Variants in ST3GAL5 observed in about 807,000 individuals in gnomAD.
ST3GAL5 encodes the protein lactosylceramide alpha-2,3-sialyltransferase.
ST3GAL5 carries 25 observed loss-of-function variants against 46.1 expected under a neutral mutation model. The ratio of observed to expected loss-of-function variants is 0.54; its 90% CI spans 0.40 to 0.76. The LOEUF is 0.76. Ranked by LOEUF, ST3GAL5 falls within the 30% of genes least tolerant of loss-of-function variation. The pLI is 0.00. For missense variants in ST3GAL5, 431 were observed against 521.2 expected, an observed-to-expected ratio of 0.83 and a Z score of 1.69; for synonymous variants, 182 against 192.7, an observed-to-expected ratio of 0.94 and a Z score of 0.46.
chr2:85,878,222 A>T (rs1305759148), intron 1 of ST3GAL5, among the ~76,000 whole-genome samples: 1 of 152,244 alleles, frequency 6.6e-6, no homozygotes. Context: ...GAAATATTTT[A>T]AAAACCCTGT....
intron 3 of ST3GAL5, chr2:85,853,120 A>G (rs1011683913): frequency 7.7e-7 from 1 of 1,295,904 alleles, no homozygotes; most frequent in African/African-American, 1.5e-5. Flanking sequence ...AGAGAGGGCC[A>G]AGTTCAAAAT....
chr2:85,884,882 G>A (rs1687577365), intron 1 of ST3GAL5, among the ~76,000 whole-genome samples: 1 of 152,194 alleles, frequency 6.6e-6, no homozygotes, highest in South Asian at 2.1e-4. Context: ...TCAAAAGACA[G>A]AAGTACTATT....
intron 1 of ST3GAL5, among the ~76,000 whole-genome samples, chr2:85,870,519 C>T (rs11681915): frequency 0.044 from 6,756 of 152,242 alleles, 211 homozygotes; most frequent in East Asian, 0.11. Flanking sequence ...ACAGCCTCCG[C>T]ATCATGGCTT....
intron 6 of ST3GAL5, 52 bp from the exon 7 acceptor site, chr2:85,840,444 C>A: frequency 6.2e-7 from 1 of 1,600,570 alleles, no homozygotes; most frequent in South Asian, 1.1e-5. Flanking sequence ...TGGCACAAGT[C>A]ACCATTTTGC....
At chr2:85,873,532 G>A (rs1015471472) in intron 1 of ST3GAL5, among the ~76,000 whole-genome samples, 1 of 152,060 alleles carries the variant, frequency 6.6e-6, no homozygotes, top group Non-Finnish European at 1.5e-5. Context: ...GGCTCAGCAC[G>A]GACAGGACCT....
intron 3 of ST3GAL5, chr2:85,848,468 C>A (rs1298837012): frequency 2.3e-6 from 3 of 1,322,752 alleles, no homozygotes; most frequent in Non-Finnish European, 3.1e-6. Flanking sequence ...CCGCCTCCCA[C>A]CCCCAGCCTA....
chr2:85,842,333 T>A (rs770981791), intron 6 of ST3GAL5, among the ~76,000 whole-genome samples: 4 of 152,222 alleles, frequency 2.6e-5, no homozygotes, highest in Non-Finnish European at 5.9e-5. Flanking sequence ...ACAGGGAATA[T>A]TCAATGTTTG....
rs748780212 is a variant in ST3GAL5 at position 85,846,563 on chromosome 2, C to G, written c.663G>C (p.Arg221Ser). Residue 221 changes from arginine (R) to serine (S), a missense_variant and splice_region_variant, in exon 5 of 7, where the codon AGG (arginine) becomes AGC (serine). Physicochemically the swap from Arg to Ser is moderately radical, Grantham distance 110. Transcript: ENST00000638572. ...ATCCCTCAACTGGTGCACTGTTTAA[C>G]CTATTTAAATAAAAAGGACAAAGAC... ...HTLNQFDVVIRLNSAPVEGYS... is the reference protein window; with the variant it reads ...HTLNQFDVVISLNSAPVEGYS... 1 of 1,613,942 alleles carries G rather than the reference C, an allele frequency of 6.2e-7. No homozygotes were observed. The highest frequency in any genetic ancestry group is 1.3e-5 in the African/African-American group (1 of 74,910).
At chr2:85,888,233 C>T (rs901460567) in intron 1 of ST3GAL5, 1 of 152,244 alleles carries the variant, frequency 6.6e-6, no homozygotes, top group Non-Finnish European at 1.5e-5. Flanking sequence ...CTTACACACG[C>T]AAGGCGTACA....
chr2:85,862,068 T>G (rs578064427), intron 2 of ST3GAL5, among the ~76,000 whole-genome samples: 1 of 152,092 alleles, frequency 6.6e-6, no homozygotes, highest in South Asian at 2.1e-4. Context: ...TCTAGCATAA[T>G]ATATTATACA....
chr2:85,871,201 T>A (rs1305399858), intron 1 of ST3GAL5, among the ~76,000 whole-genome samples: 1 of 152,160 alleles, frequency 6.6e-6, no homozygotes, highest in African/African-American at 2.4e-5. Flanking sequence ...CATACCCAGC[T>A]GATTTTTTTA....
intron 3 of ST3GAL5, 22 bp downstream of exon 3, chr2:85,861,159 C>T (rs1684684981): frequency 6.8e-7 from 1 of 1,460,858 alleles, no homozygotes; most frequent in Non-Finnish European, 9.6e-7. Context: ...TTCATTTAAA[C>T]CACACCAATG....
chr2:85,844,751 C>A, intron 5 of ST3GAL5, 197 bp from the exon 6 acceptor site: 1 of 668,392 alleles, frequency 1.5e-6, no homozygotes, highest in East Asian at 2.8e-5. Flanking sequence ...GAAATAGCCA[C>A]TTCACACAGG....
intron 1 of ST3GAL5, among the ~76,000 whole-genome samples, chr2:85,874,090 T>G (rs1044099394): frequency 1.3e-5 from 2 of 152,234 alleles, no homozygotes; most frequent in Admixed American, 6.5e-5. Flanking sequence ...AATTAAAATG[T>G]TGCTGTGTGA....
chr2:85,876,198 C>T (rs980635964), intron 1 of ST3GAL5, among the ~76,000 whole-genome samples: 1 of 152,188 alleles, frequency 6.6e-6, no homozygotes, highest in Non-Finnish European at 1.5e-5. Context: ...TGGGCATAAA[C>T]ACCCTCAAAT....
At chr2:85,880,198 C>A (rs544545165) in intron 1 of ST3GAL5, among the ~76,000 whole-genome samples, 42 of 152,254 alleles carry the variant, frequency 2.8e-4, no homozygotes, top group African/African-American at 8.2e-4. Context: ...CGGAGTTTGG[C>A]AGGACCTGGC....
chr2:85,857,140 G>A (rs1174839459), intron 3 of ST3GAL5, among the ~76,000 whole-genome samples: 2 of 150,576 alleles, frequency 1.3e-5, no homozygotes, highest in African/African-American at 2.4e-5. Context: ...AGCTACTCAG[G>A]AGGCTGAGGT....
chr2:85,867,634 A>G (rs768320868), intron 1 of ST3GAL5: 1 of 780,894 alleles, frequency 1.3e-6, no homozygotes, highest in Non-Finnish European at 2.4e-6. Context: ...GGTGGCGGCG[A>G]GACAGGATAA....
chr2:85,874,453 G>A (rs1686299223), intron 1 of ST3GAL5, among the ~76,000 whole-genome samples: 1 of 152,018 alleles, frequency 6.6e-6, no homozygotes, highest in African/African-American at 2.4e-5. Flanking sequence ...CAACCAAGGG[G>A]GCCTCGTGCT....
Sources: gnomAD v4.1 joint callset for allele counts (sites outside exome capture counted in the v4.1 genomes callset) on GRCh38, gnomAD v4.1.1 for gene constraint, MANE v1.5 for transcripts, NCBI Gene and HGNC (gene_info 2026-07-23, HGNC 2026-07-21) for gene names.